Variants in PTPRD observed in about 807,000 individuals in gnomAD.
The protein encoded by PTPRD is protein tyrosine phosphatase receptor type D.
In PTPRD, 34 loss-of-function variants were observed where a neutral mutation model predicts 214.5. The ratio of observed to expected loss-of-function variants is 0.16; its 90% confidence interval spans 0.12 to 0.21. PTPRD has a LOEUF of 0.21. PTPRD is among the 10% of genes least tolerant of loss of function. The pLI is 1.00. For missense variants in PTPRD, 2,545 were observed against 2,398.7 expected (o/e 1.06, Z -1.27); for synonymous variants, 1,128 against 845.7 (o/e 1.33, Z -5.79).
chr9:9,130,127 G>A (rs1403152418), intron 10 of PTPRD, among the ~76,000 whole-genome samples: 1 of 152,098 alleles, frequency 6.6e-6, no homozygotes, highest in Non-Finnish European at 1.5e-5. Flanking sequence ...TTCCTGCACT[G>A]AAGGTATTTT....
At chr9:10,076,791 C>T (rs2098138451) in intron 3 of PTPRD, among the ~76,000 whole-genome samples, 2 of 152,124 alleles carry the variant, frequency 1.3e-5, no homozygotes, top group African/African-American at 4.8e-5. Context: ...TGCTCTCTTT[C>T]CAATCTTATA....
intron 10 of PTPRD, among the ~76,000 whole-genome samples, chr9:9,079,257 A>C (rs1165253927): frequency 6.6e-6 from 1 of 151,856 alleles, no homozygotes; most frequent in Non-Finnish European, 1.5e-5. Context: ...GTTTACTTAC[A>C]TTAGATCAAA....
intron 2 of PTPRD, among the ~76,000 whole-genome samples, chr9:10,484,658 A>G (rs1324862537): frequency 6.6e-6 from 1 of 151,978 alleles, no homozygotes; most frequent in African/African-American, 2.4e-5. Context: ...GCACCTTTTC[A>G]TATGTCTGCC....
chr9:9,967,660 A>T (rs964783816), intron 4 of PTPRD, among the ~76,000 whole-genome samples: 3 of 152,184 alleles, frequency 2.0e-5, no homozygotes, highest in Non-Finnish European at 4.4e-5. Context: ...TTGTATTAGG[A>T]TTAAAACAGA....
intron 3 of PTPRD, among the ~76,000 whole-genome samples, chr9:10,339,883 G>A (rs2096907853): frequency 6.6e-6 from 1 of 151,612 alleles, no homozygotes; most frequent in Non-Finnish European, 1.5e-5. Flanking sequence ...TGAAAATTGA[G>A]CTTCAAAAGC....
chr9:10,186,600 G>A (rs2099331144), intron 3 of PTPRD, among the ~76,000 whole-genome samples: 3 of 151,962 alleles, frequency 2.0e-5, no homozygotes, highest in Non-Finnish European at 4.4e-5. Context: ...TGCCAAGATA[G>A]GTTTTTGGCT....
chr9:9,655,941 G>A (rs926966447), intron 7 of PTPRD, among the ~76,000 whole-genome samples: 2 of 152,034 alleles, frequency 1.3e-5, no homozygotes, highest in Non-Finnish European at 2.9e-5. Flanking sequence ...TTGCACCATC[G>A]CTCTCCAGCG....
intron 6 of PTPRD, among the ~76,000 whole-genome samples, chr9:9,766,550 T>C (rs546336541): frequency 6.6e-6 from 1 of 152,152 alleles, no homozygotes; most frequent in African/African-American, 2.4e-5. Flanking sequence ...TTCCATTATT[T>C]AACTTGCAAG....
At chr9:8,914,594 T>C (rs760516720) in intron 11 of PTPRD, among the ~76,000 whole-genome samples, 1 of 152,116 alleles carries the variant, frequency 6.6e-6, no homozygotes, top group Non-Finnish European at 1.5e-5. Flanking sequence ...TTATAACAGT[T>C]TGAACATATT....
chr9:8,355,768 G>A (rs948163167), intron 39 of PTPRD, among the ~76,000 whole-genome samples: 27 of 152,144 alleles, frequency 1.8e-4, no homozygotes, highest in African/African-American at 6.3e-4. Context: ...GGAGACCTGG[G>A]CTCTGTCCCA....
At chr9:8,702,635 A>G (rs1286243244) in intron 12 of PTPRD, among the ~76,000 whole-genome samples, 1 of 152,214 alleles carries the variant, frequency 6.6e-6, no homozygotes, top group Non-Finnish European at 1.5e-5. Context: ...TTTCTTTTAG[A>G]CAGAGTCTTG....
chr9:9,792,268 G>C (rs1217961912), intron 5 of PTPRD, among the ~76,000 whole-genome samples: 1 of 152,000 alleles, frequency 6.6e-6, no homozygotes, highest in African/African-American at 2.4e-5. Flanking sequence ...TGCTGTTTCA[G>C]GTAGCACTGA....
At chr9:9,712,103 AT>A (rs1172709218) in intron 7 of PTPRD, among the ~76,000 whole-genome samples, 10 of 152,174 alleles carry the variant, frequency 6.6e-5, no homozygotes. Context: ...GCGGAATTTA[AT>A]TTTGAGTTTC....
chr9:10,515,474 C>G (rs2049757245), intron 2 of PTPRD, among the ~76,000 whole-genome samples: 1 of 151,960 alleles, frequency 6.6e-6, no homozygotes, highest in African/African-American at 2.4e-5. Flanking sequence ...AACATAGGAG[C>G]TATGATCTTA....
chr9:8,510,042 G>A (rs1054774401), intron 21 of PTPRD, among the ~76,000 whole-genome samples: 1 of 152,118 alleles, frequency 6.6e-6, no homozygotes, highest in African/African-American at 2.4e-5. Context: ...CCAGCACTTT[G>A]GGAGGCCAAG....
At position 9,508,165 on chromosome 9, in the gene PTPRD, C is replaced by A. The variant is rs191173620; in HGVS notation, c.-237+66567G>T. Among the ~76,000 whole-genome samples the A allele has an allele frequency of 1.3e-4, 19 of 151,614 alleles. No individual in the cohort carries two copies. In the East Asian group the frequency reaches 3.5e-3, roughly 28 times the overall value. ...CAGACACACAAGTAAAGTACACATA[C>A]AATCATATTTCCAAACTTATAAATG... is the stretch of plus-strand genomic sequence containing the variant. On this transcript the variant is annotated intron_variant, in intron 8 of 45. Transcript: ENST00000381196.
chr9:10,181,942 TAAAAAAA>T (rs3075573), intron 3 of PTPRD, among the ~76,000 whole-genome samples: 19 of 38,512 alleles, frequency 4.9e-4, no homozygotes, highest in Non-Finnish European at 8.9e-4. Context: ...TCATAAATAC[TAAAAAAA>T]AAAAAAAAAA....
At chr9:9,911,311 C>A (rs978558796) in intron 5 of PTPRD, among the ~76,000 whole-genome samples, 1 of 152,056 alleles carries the variant, frequency 6.6e-6, no homozygotes, top group East Asian at 1.9e-4. Context: ...AGAACTCTTA[C>A]TTAGAGTCTC....
At chr9:8,676,639 T>A (rs961238269) in intron 12 of PTPRD, among the ~76,000 whole-genome samples, 3 of 152,246 alleles carry the variant, frequency 2.0e-5, no homozygotes, top group South Asian at 4.2e-4. Context: ...AATGGCGCGA[T>A]CTCGGCTCAC....
Sources: gnomAD v4.1 joint callset for allele counts (sites outside exome capture counted in the v4.1 genomes callset) on GRCh38, gnomAD v4.1.1 for gene constraint, MANE v1.5 for transcripts, NCBI Gene and HGNC (gene_info 2026-07-23, HGNC 2026-07-21) for gene names.